The following RELL1 variants were observed in gnomAD, a reference collection of about 807,000 sequenced individuals.
RELL1 encodes the protein RELT-like protein 1.
A neutral mutation model predicts 23.0 loss-of-function variants in RELL1; 10 were observed. The observed-to-expected ratio is 0.43, with a 90% confidence interval of 0.27 to 0.74. The LOEUF (loss-of-function observed/expected upper bound fraction) is 0.74. Among genes scored for constraint, RELL1 ranks in the 30% least tolerant of loss-of-function variants. The pLI, the probability that RELL1 is intolerant of heterozygous loss-of-function variation, is 0.19. For missense variants in RELL1, 315 were observed against 364.4 expected, an observed-to-expected ratio of 0.86 and a Z score of 1.10; for synonymous variants, 146 against 146.8, an observed-to-expected ratio of 0.99 and a Z score of 0.04.
chr4:37,665,715 G>A (rs1443505994), intron 1 of RELL1, among the ~76,000 whole-genome samples: 1 of 152,202 alleles, frequency 6.6e-6, no homozygotes, highest in Non-Finnish European at 1.5e-5. Context: ...CCTGTCTCCA[G>A]TAGCAACGGG....
intron 6 of RELL1, among the ~76,000 whole-genome samples, chr4:37,620,221 G>A (rs933586106): frequency 6.6e-6 from 1 of 152,016 alleles, no homozygotes; most frequent in Non-Finnish European, 1.5e-5. Flanking sequence ...TATCTTCTTT[G>A]TTGAATAATA....
At chr4:37,590,334 C>T (rs779277111), downstream of RELL1, 7 of 1,613,602 alleles carry the variant, frequency 4.3e-6, no homozygotes, top group Non-Finnish European at 5.1e-6. Context: ...GAGGGGAACA[C>T]CATGCCTGCG....
chr4:37,668,248 G>A (rs1264892949), intron 1 of RELL1, among the ~76,000 whole-genome samples: 1 of 123,982 alleles, frequency 8.1e-6, no homozygotes, highest in African/African-American at 3.1e-5. Flanking sequence ...TCTTTCCACG[G>A]TCTCCCTCTG....
intron 3 of RELL1, among the ~76,000 whole-genome samples, chr4:37,640,752 T>C (rs1720502881): frequency 6.6e-6 from 1 of 152,332 alleles, no homozygotes; most frequent in African/African-American, 2.4e-5. Flanking sequence ...CATCCATTTT[T>C]TTTTTCTAAT....
intron 6 of RELL1, among the ~76,000 whole-genome samples, chr4:37,620,306 T>G (rs1719723285): frequency 6.6e-6 from 1 of 152,226 alleles, no homozygotes; most frequent in Admixed American, 6.5e-5. Context: ...CTGAAGGTTG[T>G]TCTTTACTGG....
Position 37,604,900 on chromosome 4 carries a change from GACACACACACACACACAC to G in RELL1, c.*4-13701_*4-13684del, listed in dbSNP as rs1483293891. Among the ~76,000 whole-genome samples, 19 of 65,646 alleles carry G rather than the reference GACACACACACACACACAC, an allele frequency of 2.9e-4. 1 individual carries two copies. The highest frequency in any genetic ancestry group is 1.6e-3 in the East Asian group (1 of 618). The allele number at this position is 65,646 out of a possible 152,430, so 43.1% of individuals were successfully genotyped here. A position where few individuals can be genotyped will look rare whatever the true frequency, so the allele number is the denominator to read the frequency against. On this transcript the variant is annotated intron_variant, in intron 6 of 6. Coordinates refer to the RELL1 transcript ENST00000314117. ...ACACATACACACAGACACACACACA[GACACACACACACACACAC>G]AGACACACACACACAGACACACACA...
chr4:37,668,768 G>A, intron 1 of RELL1, among the ~76,000 whole-genome samples: 1 of 137,524 alleles, frequency 7.3e-6, no homozygotes, highest in East Asian at 2.0e-4. Context: ...TCTAGGAAGT[G>A]AGGAGCGCCT....
At chr4:37,665,257 T>C (rs1160918257) in intron 1 of RELL1, 2 of 456,294 alleles carry the variant, frequency 4.4e-6, no homozygotes, top group Admixed American at 4.7e-5. Context: ...TAGATTCTTT[T>C]CAGAGCTGGA....
intron 3 of RELL1, among the ~76,000 whole-genome samples, chr4:37,645,354 A>G (rs1720675437): frequency 6.6e-6 from 1 of 152,242 alleles, no homozygotes. Context: ...TTCTAGGCCA[A>G]GGACATAGTC....
chr4:37,639,192 G>A (rs1235274838), intron 3 of RELL1, among the ~76,000 whole-genome samples: 2 of 151,958 alleles, frequency 1.3e-5, no homozygotes, highest in Non-Finnish European at 2.9e-5. Flanking sequence ...AGACCATCCT[G>A]GCTAACACGG....
intron 6 of RELL1, among the ~76,000 whole-genome samples, chr4:37,623,786 A>G (rs993866557): frequency 1.3e-5 from 2 of 152,198 alleles, no homozygotes; most frequent in African/African-American, 4.8e-5. Flanking sequence ...GGCCTAATCC[A>G]TGCCTACTTT....
intron 5 of RELL1, among the ~76,000 whole-genome samples, chr4:37,632,171 T>TTTTTG (rs1720165918): frequency 6.8e-6 from 1 of 146,656 alleles, no homozygotes; most frequent in Non-Finnish European, 1.5e-5. Flanking sequence ...TGATCAGTTT[T>TTTTTG]TTTGTTTATT....
At chr4:37,677,650 C>T (rs4461532) in intron 1 of RELL1, among the ~76,000 whole-genome samples, 11,216 of 152,250 alleles carry the variant, frequency 0.074, 691 homozygotes, top group South Asian at 0.19. Flanking sequence ...CTACCCTACA[C>T]ATTAGGCCAT....
intron 4 of RELL1, among the ~76,000 whole-genome samples, chr4:37,636,459 G>A (rs1720333604): frequency 6.6e-6 from 1 of 151,934 alleles, no homozygotes; most frequent in Non-Finnish European, 1.5e-5. Context: ...GCCGGGGGTG[G>A]TGGCGGGCGC....
At chr4:37,643,733 T>G (rs924503636) in intron 3 of RELL1, among the ~76,000 whole-genome samples, 4 of 152,244 alleles carry the variant, frequency 2.6e-5, no homozygotes, top group African/African-American at 9.6e-5. Flanking sequence ...AAAATGCATT[T>G]AGTCCACAAA....
At chr4:37,629,195 C>T (rs1481653217) in intron 6 of RELL1, among the ~76,000 whole-genome samples, 1 of 152,208 alleles carries the variant, frequency 6.6e-6, no homozygotes, top group Middle Eastern at 3.2e-3. Flanking sequence ...TCAGCCTGTC[C>T]TTATGACCCA....
chr4:37,595,307 A>G (rs1718794128), intron 6 of RELL1, among the ~76,000 whole-genome samples: 2 of 152,256 alleles, frequency 1.3e-5, no homozygotes, highest in African/African-American at 4.8e-5. Flanking sequence ...GAAACATTTT[A>G]TGCAAGTCAA....
intron 6 of RELL1, among the ~76,000 whole-genome samples, chr4:37,599,904 C>T (rs958055577): frequency 3.3e-5 from 5 of 152,142 alleles, no homozygotes; most frequent in Admixed American, 6.5e-5. Flanking sequence ...GCCCCTCTCT[C>T]GGCCATAATG....
At chr4:37,598,894 A>T (rs922893974) in intron 6 of RELL1, among the ~76,000 whole-genome samples, 1 of 152,112 alleles carries the variant, frequency 6.6e-6, no homozygotes, top group Non-Finnish European at 1.5e-5. Context: ...CGTGTTGCCC[A>T]GGCTGGTCTC....
Sources: gnomAD v4.1 joint callset for allele counts (sites outside exome capture counted in the v4.1 genomes callset) on GRCh38, gnomAD v4.1.1 for gene constraint, MANE v1.5 for transcripts, NCBI Gene and HGNC (gene_info 2026-07-23, HGNC 2026-07-21) for gene names.